Variants in HACD2 observed in about 807,000 individuals in gnomAD.
The protein encoded by HACD2 is very-long-chain (3R)-3-hydroxyacyl-CoA dehydratase 2.
HACD2 carries 15 observed loss-of-function variants against 31.0 expected under a neutral mutation model. The observed-to-expected ratio is 0.48, with a 90% CI of 0.32 to 0.75. HACD2 has a LOEUF of 0.75. HACD2 is among the 30% of genes least tolerant of loss of function. HACD2 has a pLI of 0.03. For missense variants in HACD2, 283 were observed against 313.0 expected (o/e 0.90, Z 0.72); for synonymous variants, 115 against 122.2 (o/e 0.94, Z 0.39).
chr3:123,553,069 T>G (rs907149833), intron 3 of HACD2, among the ~76,000 whole-genome samples: 12 of 152,094 alleles, frequency 7.9e-5, no homozygotes, highest in Non-Finnish European at 1.5e-4. Context: ...TAATAACACT[T>G]TCAGAAACAA....
At chr3:123,530,865 G>T (rs909110502) in intron 3 of HACD2, among the ~76,000 whole-genome samples, 2 of 151,168 alleles carry the variant, frequency 1.3e-5, no homozygotes, top group Non-Finnish European at 2.9e-5. Context: ...GTAACTTTTT[G>T]TTGTTGTTGT....
intron 3 of HACD2, among the ~76,000 whole-genome samples, chr3:123,567,194 C>T (rs1032451869): frequency 6.6e-5 from 10 of 152,132 alleles, no homozygotes; most frequent in African/African-American, 2.4e-4. Context: ...CCAAACTAGA[C>T]GTTATGCCTC....
intron 1 of HACD2, chr3:123,584,508 G>A (rs2057002928): frequency 1.0e-5 from 2 of 192,798 alleles, no homozygotes; most frequent in East Asian, 2.5e-4. Context: ...TTCAACATCC[G>A]AATCTGGCCG....
At chr3:123,572,348 A>G (rs1480659792) in intron 2 of HACD2, among the ~76,000 whole-genome samples, 1 of 152,104 alleles carries the variant, frequency 6.6e-6, no homozygotes, top group Non-Finnish European at 1.5e-5. Flanking sequence ...CTCTACAAAA[A>G]ATTTTAAAAA....
At position 123,535,907 on chromosome 3, in the gene HACD2, G is replaced by T. The variant is rs151110463; in HGVS notation, c.293-7433C>A. 5.3e-3 allele frequency among the ~76,000 whole-genome samples: 809 copies of T among 152,258 alleles called. 2 individuals are homozygous for T. The highest frequency in any genetic ancestry group is 0.019 in the African/African-American group (791 of 41,556). The stretch of plus-strand genomic sequence containing the variant: ...CAAGAAGTATAAGAAGATACACAGA[G>T]AAAATTCTCCCTCCCAATCCCATCA... On this transcript the variant is annotated intron_variant, in intron 3 of 6. Transcript: ENST00000383657.
At chr3:123,527,705 A>G (rs999715851) in intron 4 of HACD2, among the ~76,000 whole-genome samples, 3 of 152,222 alleles carry the variant, frequency 2.0e-5, no homozygotes, top group African/African-American at 7.2e-5. Flanking sequence ...AACAAATCTT[A>G]TATTTGTGAA....
At chr3:123,570,202 T>G (rs1279015205) in intron 2 of HACD2, among the ~76,000 whole-genome samples, 1 of 151,980 alleles carries the variant, frequency 6.6e-6, no homozygotes, top group Admixed American at 6.6e-5. Context: ...TGAAAAGAAA[T>G]TCATAGATAA....
At chr3:123,570,483 T>C (rs1290944855) in intron 2 of HACD2, among the ~76,000 whole-genome samples, 2 of 152,184 alleles carry the variant, frequency 1.3e-5, no homozygotes, top group South Asian at 4.1e-4. Context: ...GTATTAATAA[T>C]AGAAATAAAG....
At chr3:123,580,349 G>A (rs1021904722) in intron 2 of HACD2, among the ~76,000 whole-genome samples, 2 of 152,092 alleles carry the variant, frequency 1.3e-5, no homozygotes, top group East Asian at 1.9e-4. Context: ...GGTAGTGCAC[G>A]CCTGTGGTCC....
intron 3 of HACD2, among the ~76,000 whole-genome samples, chr3:123,546,636 A>G (rs1169342667): frequency 1.3e-5 from 2 of 152,254 alleles, no homozygotes; most frequent in Non-Finnish European, 2.9e-5. Context: ...GAGCAGAAAG[A>G]CAGACTTCCT....
intron 4 of HACD2, among the ~76,000 whole-genome samples, chr3:123,510,006 A>G (rs1483020736): frequency 6.6e-6 from 1 of 152,212 alleles, no homozygotes; most frequent in Non-Finnish European, 1.5e-5. Context: ...AATATAAAAT[A>G]AAATTTATCA....
chr3:123,516,450 G>A (rs1445938748), intron 4 of HACD2, among the ~76,000 whole-genome samples: 2 of 151,246 alleles, frequency 1.3e-5, no homozygotes, highest in Non-Finnish European at 2.9e-5. Flanking sequence ...TAGCCAGGAT[G>A]GTCTCGATCT....
intron 3 of HACD2, among the ~76,000 whole-genome samples, chr3:123,533,164 G>A (rs1471136084): frequency 6.6e-6 from 1 of 152,140 alleles, no homozygotes; most frequent in African/African-American, 2.4e-5. Flanking sequence ...TTCTCTCTTT[G>A]ATTGGACAGG....
chr3:123,494,919 G>T lies in HACD2; in HGVS notation c.734C>A (p.Ser245Tyr). Residue 245 changes from serine to tyrosine, a missense_variant, in exon 7 of 7, where the codon TCT becomes TAT. Ser to Tyr is a moderately radical substitution (Grantham distance 144). Coordinates refer to ENST00000383657, the MANE Select transcript of HACD2 (RefSeq NM_198402.5). ...HMIHQRRKILSHTEEHKKFE is the reference protein window; with the variant it reads ...HMIHQRRKILYHTEEHKKFE ...AAATTTCTTGTGTTCTTCAGTATGAGAAAGGATCTTTCTTCTCTGGTGTAT... is the reference window on the plus strand; with the variant it reads ...AAATTTCTTGTGTTCTTCAGTATGATAAAGGATCTTTCTTCTCTGGTGTAT... The T allele has an allele frequency of 6.4e-7, 1 of 1,560,922 alleles. No individual in the cohort carries two copies. Among genetic ancestry groups the T allele is most frequent in the African/African-American group, 1.4e-5 (1 of 73,728 alleles).
chr3:123,537,316 C>T (rs1361886817), intron 3 of HACD2, among the ~76,000 whole-genome samples: 5 of 152,052 alleles, frequency 3.3e-5, no homozygotes, highest in African/African-American at 4.8e-5. Context: ...ATGGCAATCC[C>T]GGATCTTTGG....
intron 2 of HACD2, 99 bp from the exon 3 acceptor site, chr3:123,567,879 G>T: frequency 1.5e-6 from 1 of 657,142 alleles, no homozygotes; most frequent in Non-Finnish European, 2.4e-6. Flanking sequence ...ATAGAGCAGC[G>T]TCTGCCAGCA....
rs1356870098 is a variant in HACD2, at chr3:123,585,038, C to G, written c.-11G>C. 3.2e-5 allele frequency: 47 copies of G among 1,472,970 alleles called. No individual in the cohort carries two copies. The highest frequency in any genetic ancestry group is 2.7e-4 in the Admixed American group (11 of 40,878). 91.2% of individuals were successfully genotyped at this position (1,472,970 alleles called of 1,614,324 possible). ...CGCCACTGCCGCCATGTCAAGTGCCCGAAGCCCGCTCTCCTAGCGCGAGCG... is the reference window on the plus strand; with the variant it reads ...CGCCACTGCCGCCATGTCAAGTGCCGGAAGCCCGCTCTCCTAGCGCGAGCG... On this transcript the variant is annotated 5_prime_UTR_variant, in exon 1 of 7. Transcript: ENST00000383657.
intron 3 of HACD2, among the ~76,000 whole-genome samples, chr3:123,550,368 G>A (rs2056607230): frequency 6.6e-6 from 1 of 152,062 alleles, no homozygotes; most frequent in Admixed American, 6.6e-5. Context: ...AAAGAGAAAT[G>A]GAGAAAATGA....
chr3:123,536,100 C>A (rs1479047240), intron 3 of HACD2, among the ~76,000 whole-genome samples: 2 of 151,982 alleles, frequency 1.3e-5, no homozygotes, highest in African/African-American at 2.4e-5. Flanking sequence ...TTCTTCTATA[C>A]CTTGCTTTTC....
Sources: gnomAD v4.1 joint callset for allele counts (sites outside exome capture counted in the v4.1 genomes callset) on GRCh38, gnomAD v4.1.1 for gene constraint, MANE v1.5 for transcripts, NCBI Gene and HGNC (gene_info 2026-07-23, HGNC 2026-07-21) for gene names.